Variants in MINK1 observed in about 807,000 individuals in gnomAD.
MINK1 encodes the protein misshapen-like kinase 1.
A neutral mutation model predicts 178.4 loss-of-function variants in MINK1; 46 were observed. The observed-to-expected ratio is 0.26, with a 90% CI of 0.20 to 0.33. MINK1 has a LOEUF of 0.33. Ranked by LOEUF, MINK1 falls within the 10% of genes least tolerant of loss-of-function variation. MINK1 has a pLI of 1.00. For synonymous variants in MINK1, 797 were observed against 709.7 expected (o/e 1.12, Z -1.96); for missense variants, 1,366 against 1,814.9 (o/e 0.75, Z 4.49).
chr17:4,892,028 C>T (rs1432738485), intron 16 of MINK1, 121 bp from the exon 17 acceptor site: 3 of 869,252 alleles, frequency 3.5e-6, no homozygotes, highest in Non-Finnish European at 5.5e-6. Context: ...CACTAACTCC[C>T]CTGAACCTCA....
At chr17:4,893,725 G>A (rs1298838574) in intron 21 of MINK1, 128 bp downstream of exon 21, 1 of 1,320,050 alleles carries the variant, frequency 7.6e-7, no homozygotes, top group African/African-American at 1.5e-5. Flanking sequence ...AGAGTGGGGT[G>A]AGGGTGCAGG....
At position 4,885,380 on chromosome 17, in the gene MINK1, GACCACAGCTGGCTCAGGCAAGTCCT is replaced by G; in HGVS notation, c.509-102_509-78del. On this transcript the variant is annotated intron_variant, in intron 6 of 31. Transcript: ENST00000355280. The surrounding 1 kb of genome is among the most constrained non-coding windows in gnomAD (Gnocchi z 5.0). ...TGCTGGGGTGTCTGGGTCGGGCCAG[GACCACAGCTGGCTCAGGCAAGTCCT>G]GTGTGTGCACGCAGGGATGTGAGGC... is the stretch of plus-strand genomic sequence containing the variant. 2.7e-6 allele frequency: 4 copies of G among 1,502,260 alleles called. No individual in the cohort carries two copies. The highest frequency in any genetic ancestry group is 3.6e-6 in the Non-Finnish European group (4 of 1,100,300). 93.1% of individuals were successfully genotyped at this position (1,502,260 alleles called of 1,614,324 possible). A position where few individuals can be genotyped will look rare whatever the true frequency, so the allele number is the denominator to read the frequency against.
chr17:4,868,034 T>C (rs1442834534), intron 1 of MINK1, among the ~76,000 whole-genome samples: 1 of 151,130 alleles, frequency 6.6e-6, no homozygotes, highest in African/African-American at 2.4e-5. Flanking sequence ...TGGAGTGCAA[T>C]GGCATGATCT....
chr17:4,856,504 G>A (rs1042374751), intron 1 of MINK1, among the ~76,000 whole-genome samples: 1 of 152,036 alleles, frequency 6.6e-6, no homozygotes, highest in African/African-American at 2.4e-5. Flanking sequence ...CACAGGGCCT[G>A]GCAGCGCGGG....
At position 4,896,628 on chromosome 17, in the gene MINK1, T is replaced by C. The variant is rs943411221; in HGVS notation, c.3775+40T>C. 1.2e-6 allele frequency: 2 copies of C among 1,611,540 alleles called. No individual in the cohort carries two copies. Among genetic ancestry groups the C allele is most frequent in the Admixed American group, 1.7e-5 (1 of 59,882 alleles). On this transcript the variant is annotated intron_variant, in intron 30 of 31. Transcript: ENST00000355280. The surrounding 1 kb of genome is among the most constrained non-coding windows in gnomAD (Gnocchi z 4.6). ...GCCCTCCCAGCCACATGCCCCGAGG[T>C]GGCCCCGGGGTGCAGCCTGCTCAGC... is the stretch of plus-strand genomic sequence containing the variant.
intron 1 of MINK1, chr17:4,856,997 C>A: frequency 5.5e-6 from 1 of 181,392 alleles, no homozygotes; most frequent in South Asian, 1.2e-4. Flanking sequence ...GGATCAGTAT[C>A]ATGCCTACAA....
At chr17:4,892,326 G>T in intron 17 of MINK1, 76 bp from the exon 18 acceptor site, 7 of 1,349,604 alleles carry the variant, frequency 5.2e-6, no homozygotes, top group Non-Finnish European at 5.8e-6. Flanking sequence ...TACCCGCCTG[G>T]GGGTGGGAAA....
At chr17:4,875,042 T>G (rs1465518144) in intron 1 of MINK1, 14 of 519,932 alleles carry the variant, frequency 2.7e-5, no homozygotes, top group Non-Finnish European at 5.4e-5. Context: ...CTTTTTCCTG[T>G]CTCCCTCCTT....
At chr17:4,844,659 T>G (rs367726348) in intron 1 of MINK1, 6 of 428,718 alleles carry the variant, frequency 1.4e-5, no homozygotes, top group Non-Finnish European at 2.7e-5. Context: ...CCAGAACTAA[T>G]AGAGATTTCT....
rs185757048 is a variant in MINK1, at chr17:4,897,014, G to A, written c.3916-190G>A. ...ACTTCCCAGCTGGCCCCCAGGGGGC[G>A]AGTGGTGCACCCTCTCCCCTAACAT... On this transcript the variant is annotated intron_variant, in intron 31 of 31. Transcript: ENST00000355280. The A allele has an allele frequency of 1.9e-4, 172 of 894,690 alleles. No individual in the cohort carries two copies. The African/African-American group carries it at 1.9e-3, about 10-fold the overall frequency. 55.4% of individuals were successfully genotyped at this position (894,690 alleles called of 1,614,324 possible). A position where few individuals can be genotyped will look rare whatever the true frequency, so the allele number is the denominator to read the frequency against.
chr17:4,862,340 G>C (rs1301313192), intron 1 of MINK1, among the ~76,000 whole-genome samples: 1 of 152,146 alleles, frequency 6.6e-6, no homozygotes, highest in Non-Finnish European at 1.5e-5. Context: ...CTACCTCATG[G>C]AGTTAGGTGA....
chr17:4,871,145 A>G, intron 1 of MINK1: 1 of 253,270 alleles, frequency 3.9e-6, no homozygotes, highest in Non-Finnish European at 8.5e-6. Context: ...AACATCTAGC[A>G]GTAGTTTATT....
Position 4,881,214 on chromosome 17 carries a change from C to T in MINK1, c.263C>T (p.Ala88Val). The change falls in exon 4 of 32, where the codon GCC becomes GTC. Residue 88 changes from alanine to valine, a missense_variant. By Grantham distance (64) the Ala-to-Val change is moderately conservative (BLOSUM62 0). Coordinates refer to ENST00000355280, the MANE Select transcript of MINK1 (RefSeq NM_153827.5). ...CGCAACATCGCCACCTACTACGGAG[C>T]CTTCATCAAGAAGAGCCCCCCGGGA... ...HHRNIATYYG[A>V]FIKKSPPGND... The T allele has an allele frequency of 6.5e-7, 1 of 1,537,240 alleles. No individual in the cohort carries two copies. The highest frequency in any genetic ancestry group is 8.7e-7 in the Non-Finnish European group (1 of 1,146,886).
At chr17:4,839,134 G>A (rs916461536) in intron 1 of MINK1, among the ~76,000 whole-genome samples, 4 of 152,060 alleles carry the variant, frequency 2.6e-5, no homozygotes, top group Admixed American at 6.6e-5. Flanking sequence ...TAGTAGAGAC[G>A]GGGTTTCACC....
intron 5 of MINK1, 97 bp downstream of exon 5, chr17:4,884,570 C>T: frequency 1.1e-6 from 1 of 913,492 alleles, no homozygotes; most frequent in Non-Finnish European, 1.7e-6. Flanking sequence ...GGAGACATCA[C>T]TGCCCTCTTT....
chr17:4,840,656 G>C (rs940971257), intron 1 of MINK1, among the ~76,000 whole-genome samples: 3 of 152,204 alleles, frequency 2.0e-5, no homozygotes, highest in Admixed American at 2.0e-4. Context: ...TAGCTGCATG[G>C]TCTGTGGGAA....
intron 1 of MINK1, among the ~76,000 whole-genome samples, chr17:4,834,159 G>A (rs1908929468): frequency 6.6e-6 from 1 of 152,042 alleles, no homozygotes; most frequent in South Asian, 2.1e-4. Flanking sequence ...CGGAATTTCA[G>A]CTACCCCACC....
intron 1 of MINK1, among the ~76,000 whole-genome samples, chr17:4,869,991 C>T (rs8079376): frequency 0.023 from 3,435 of 150,842 alleles, 63 homozygotes; most frequent in Non-Finnish European, 0.037. Flanking sequence ...CACTGCAGGC[C>T]CCACCTCCAG....
rs748497579 is a variant in MINK1, at chr17:4,892,970, GCCGTCCAGTCT to G, written c.2312-6_2316del. On this transcript the variant is annotated splice_acceptor_variant and splice_polypyrimidine_tract_variant and coding_sequence_variant and intron_variant, in exon 20 of 32. Transcript: ENST00000355280. LOFTEE classifies it high-confidence loss of function. ...GGCATCAGTGACCTTCTTCCACCCT[GCCGTCCAGTCT>G]CCTCCAAACCGGACAGCTCCCCTGT... is the stretch of plus-strand genomic sequence containing the variant. 3.2e-6 allele frequency: 5 copies of G among 1,558,144 alleles called. No homozygotes were observed.
Sources: allele counts gnomAD v4.1 joint callset (sites outside exome capture counted in the v4.1 genomes callset), GRCh38; gene constraint gnomAD v4.1.1; non-coding constraint Gnocchi (gnomAD v3.1); transcripts MANE v1.5; gene names NCBI Gene and HGNC (gene_info 2026-07-23, HGNC 2026-07-21).